Variants in FXN observed in about 807,000 individuals in gnomAD.
FXN encodes the protein frataxin, mitochondrial.
FXN carries 14 observed loss-of-function variants against 22.4 expected under a neutral mutation model. The ratio of observed to expected loss-of-function variants is 0.62; its 90% CI spans 0.41 to 0.98. The LOEUF is 0.98. FXN is among the 50% of genes least tolerant of loss of function. The pLI, the probability that FXN is intolerant of heterozygous loss-of-function variation, is 0.00. For synonymous variants in FXN, 120 were observed against 114.1 expected (o/e 1.05, Z -0.33); for missense variants, 267 against 268.4 (o/e 0.99, Z 0.04).
chr9:69,041,601 C>T (rs1307631198), intron 1 of FXN, among the ~76,000 whole-genome samples: 5 of 152,162 alleles, frequency 3.3e-5, no homozygotes, highest in South Asian at 4.1e-4. Flanking sequence ...TCCTCCCCTG[C>T]GAGGTATGGG....
intron 1 of FXN, among the ~76,000 whole-genome samples, chr9:69,041,136 A>G (rs775651157): frequency 1.1e-4 from 17 of 152,126 alleles, no homozygotes; most frequent in Non-Finnish European, 1.8e-4. Flanking sequence ...TCACCCCATC[A>G]CTGCCCTGTC....
At chr9:69,052,537 A>ATTTT (rs56938732) in intron 2 of FXN, among the ~76,000 whole-genome samples, 4 of 63,252 alleles carry the variant, frequency 6.3e-5, no homozygotes, top group African/African-American at 6.2e-5. Context: ...TGCTGTTTAA[A>ATTTT]TTTTTTTTTT....
chr9:69,050,840 G>GTGC (rs1831836482), intron 2 of FXN, among the ~76,000 whole-genome samples: 1 of 151,628 alleles, frequency 6.6e-6, no homozygotes, highest in Non-Finnish European at 1.5e-5. Flanking sequence ...GAGCGCAATG[G>GTGC]CACGTCCTCT....
chr9:69,046,529 C>A (rs983180884), intron 2 of FXN, 47 bp downstream of exon 2: 1 of 1,297,834 alleles, frequency 7.7e-7, no homozygotes, highest in Non-Finnish European at 1.1e-6. Flanking sequence ...CTCTCTCCTT[C>A]CCTGCCTCTC....
intron 3 of FXN, among the ~76,000 whole-genome samples, chr9:69,063,665 C>CT (rs2133125423): frequency 6.6e-6 from 1 of 152,084 alleles, no homozygotes; most frequent in Non-Finnish European, 1.5e-5. Flanking sequence ...TTCAATAACT[C>CT]TTTGTTTTTT....
rs764714873 is a variant in FXN at position 69,076,977 on chromosome 9, C to G, written c.*4215C>G. 2 of 883,272 alleles carry G rather than the reference C, an allele frequency of 2.3e-6. No individual in the cohort carries two copies. The highest frequency in any genetic ancestry group is 6.2e-5 in the Admixed American group (1 of 16,124). 54.7% of individuals were successfully genotyped at this position (883,272 alleles called of 1,614,324 possible). On this transcript the variant is annotated 3_prime_UTR_variant, in exon 5 of 5. Transcript: ENST00000484259. ...TCACCCAGGCTGGAGTGCAGTGGCACGATCTGGGCTCACTACAACCTCCGC... is the reference window on the plus strand; with the variant it reads ...TCACCCAGGCTGGAGTGCAGTGGCAGGATCTGGGCTCACTACAACCTCCGC...
chr9:69,052,455 C>T (rs568016884), intron 2 of FXN, among the ~76,000 whole-genome samples: 3 of 152,056 alleles, frequency 2.0e-5, no homozygotes, highest in South Asian at 4.2e-4. Context: ...CACTGCCTGG[C>T]CCAGAAAGGA....
chr9:69,039,701 A>G (rs1831621931), intron 1 of FXN, among the ~76,000 whole-genome samples: 1 of 152,172 alleles, frequency 6.6e-6, no homozygotes, highest in Admixed American at 6.5e-5. Flanking sequence ...CTGCGTCTTT[A>G]ACGTTTCCTC....
At chr9:69,069,998 G>T (rs886595354) in intron 4 of FXN, among the ~76,000 whole-genome samples, 14 of 152,144 alleles carry the variant, frequency 9.2e-5, no homozygotes, top group African/African-American at 3.4e-4. Flanking sequence ...GGAAGCTGAC[G>T]CAGGCAGATG....
intron 3 of FXN, among the ~76,000 whole-genome samples, chr9:69,057,516 C>G (rs1587824059): frequency 6.6e-6 from 1 of 152,120 alleles, no homozygotes. Flanking sequence ...AAATCATTTA[C>G]TAATTAGCAA....
chr9:69,048,791 G>GTTGGCTA (rs1831803469), intron 2 of FXN, among the ~76,000 whole-genome samples: 1 of 152,202 alleles, frequency 6.6e-6, no homozygotes, highest in Non-Finnish European at 1.5e-5. Flanking sequence ...TATATGCTCA[G>GTTGGCTA]TAGGCATACA....
chr9:69,069,143 C>T (rs1587830334), intron 4 of FXN, among the ~76,000 whole-genome samples: 1 of 152,286 alleles, frequency 6.6e-6, no homozygotes, highest in East Asian at 1.9e-4. Context: ...GCAGGCGGAT[C>T]ACTTGAGGTC....
chr9:69,074,923 A>C lies in FXN; in HGVS notation c.*2161A>C. On this transcript the variant is annotated 3_prime_UTR_variant, in exon 5 of 5. Transcript: ENST00000484259. Reference sequence around the variant, plus strand: ...ATGTGTTTGCATCTTGCTTCTACTGAAAGTTTCAGTGCACCCCACTTACTT... The same window carrying C: ...ATGTGTTTGCATCTTGCTTCTACTGCAAGTTTCAGTGCACCCCACTTACTT... 1 of 985,462 alleles carries C rather than the reference A, an allele frequency of 1.0e-6. No homozygotes were observed. The highest frequency in any genetic ancestry group is 1.2e-6 in the Non-Finnish European group (1 of 829,942). The allele number at this position is 985,462 out of a possible 1,614,324, so 61.0% of individuals were successfully genotyped here.
At chr9:69,057,045 C>T (rs924484508) in intron 3 of FXN, among the ~76,000 whole-genome samples, 1 of 152,088 alleles carries the variant, frequency 6.6e-6, no homozygotes, top group African/African-American at 2.4e-5. Context: ...GCTGGGATTA[C>T]AGGCATGAGC....
intron 4 of FXN, among the ~76,000 whole-genome samples, chr9:69,067,733 G>GA (rs1832197510): frequency 6.6e-6 from 1 of 152,184 alleles, no homozygotes; most frequent in Non-Finnish European, 1.5e-5. Context: ...CACCCTCATA[G>GA]CCAGATCTGC....
At chr9:69,042,702 A>G (rs1365304418) in intron 1 of FXN, among the ~76,000 whole-genome samples, 4 of 152,144 alleles carry the variant, frequency 2.6e-5, no homozygotes, top group African/African-American at 9.7e-5. Flanking sequence ...ACACACACAC[A>G]CACAAACAAA....
intron 1 of FXN, among the ~76,000 whole-genome samples, chr9:69,044,234 C>T (rs182945884): frequency 8.9e-4 from 136 of 152,206 alleles, no homozygotes; most frequent in African/African-American, 3.1e-3. Context: ...AATAAGAGTA[C>T]GTCCCTCACA....
At chr9:69,046,291 C>A in intron 1 of FXN, 94 bp from the exon 2 acceptor site, 1 of 883,606 alleles carries the variant, frequency 1.1e-6, no homozygotes, top group Non-Finnish European at 1.9e-6. Flanking sequence ...CGGTTACAGG[C>A]ACTCGAATGT....
intron 2 of FXN, among the ~76,000 whole-genome samples, chr9:69,051,171 C>T (rs1831842531): frequency 6.6e-6 from 1 of 152,244 alleles, no homozygotes; most frequent in Non-Finnish European, 1.5e-5. Flanking sequence ...GATCACAGCT[C>T]ACTGCAGCCT....
Sources: allele counts gnomAD v4.1 joint callset (sites outside exome capture counted in the v4.1 genomes callset), GRCh38; gene constraint gnomAD v4.1.1; transcripts MANE v1.5; gene names NCBI Gene and HGNC (gene_info 2026-07-23, HGNC 2026-07-21).